Variants in SORCS2 observed in about 807,000 individuals in gnomAD.
The protein encoded by SORCS2 is VPS10 domain-containing receptor SorCS2.
Under a neutral mutation model 141.6 loss-of-function variants are expected in SORCS2, and 100 were observed. The ratio of observed to expected loss-of-function variants is 0.71; its 90% CI spans 0.60 to 0.83. The LOEUF (loss-of-function observed/expected upper bound fraction) is 0.83, where lower values mean the gene tolerates loss of function less well. Ranked by LOEUF, SORCS2 falls within the 40% of genes least tolerant of loss-of-function variation. The pLI, the probability that SORCS2 is intolerant of heterozygous loss-of-function variation, is 0.00. For missense variants in SORCS2, 1,646 were observed against 1,560.2 expected (o/e 1.05, Z -0.93); for synonymous variants, 789 against 676.9 (o/e 1.17, Z -2.57).
rs1008428494 is a variant in SORCS2, at chr4:7,349,141, G to A, written c.481-47147G>A. ...GTATGTTAGCATACTTCATCATTGC[G>A]CAAGGTTTGGAGTGGGCGCTGTGTC... On this transcript the variant is annotated intron_variant, in intron 1 of 26. Transcript: ENST00000507866. Among the ~76,000 whole-genome samples the A allele has an allele frequency of 2.6e-5, 4 of 152,218 alleles. No individual in the cohort carries two copies. In the East Asian group the frequency reaches 5.8e-4, roughly 22 times the overall value.
chr4:7,390,317 A>G (rs1413969863), intron 1 of SORCS2, among the ~76,000 whole-genome samples: 3 of 152,196 alleles, frequency 2.0e-5, no homozygotes, highest in East Asian at 1.9e-4. Context: ...AAAGGCAGCC[A>G]TGTGTCAGGC....
intron 1 of SORCS2, among the ~76,000 whole-genome samples, chr4:7,332,694 G>A (rs1310756760): frequency 6.6e-6 from 1 of 152,212 alleles, no homozygotes; most frequent in African/African-American, 2.4e-5. Context: ...CCTGTGCAGG[G>A]CTGGAGCCTC....
chr4:7,445,532 G>C (rs1257108283), intron 2 of SORCS2, among the ~76,000 whole-genome samples: 1 of 152,156 alleles, frequency 6.6e-6, no homozygotes, highest in Non-Finnish European at 1.5e-5. Context: ...TGTGGATGGA[G>C]CGGGGCCGAG....
chr4:7,495,990 G>T (rs111540684), intron 2 of SORCS2, among the ~76,000 whole-genome samples: 1 of 152,206 alleles, frequency 6.6e-6, no homozygotes, highest in Admixed American at 6.5e-5. Flanking sequence ...AATGTGGGCC[G>T]AGGGTGGAAG....
At position 7,741,907 on chromosome 4, in the gene SORCS2, C is replaced by A. The variant is rs933576708; in HGVS notation, c.*1643C>A. ...AACAGTGCCCGGTGGGGAGGAGGCA[C>A]CCGCTCCTTGTTGAGTAAAACCACC... On this transcript the variant is annotated 3_prime_UTR_variant, in exon 27 of 27. Coordinates refer to ENST00000507866, the MANE Select transcript of SORCS2 (RefSeq NM_020777.3). The A allele has an allele frequency of 3.9e-5, 6 of 152,280 alleles. No individual in the cohort carries two copies. Among genetic ancestry groups the A allele is most frequent in the African/African-American group, 1.4e-4 (6 of 41,452 alleles). The allele number at this position is 152,280 out of a possible 1,614,324, so 9.4% of individuals were successfully genotyped here.
chr4:7,337,022 A>G (rs984697774), intron 1 of SORCS2, among the ~76,000 whole-genome samples: 1 of 152,164 alleles, frequency 6.6e-6, no homozygotes, highest in African/African-American at 2.4e-5. Flanking sequence ...GCTGGGAATC[A>G]CACACAATCG....
At chr4:7,482,038 C>A (rs1219265367) in intron 2 of SORCS2, among the ~76,000 whole-genome samples, 1 of 76,970 alleles carries the variant, frequency 1.3e-5, no homozygotes, top group Non-Finnish European at 2.6e-5. Context: ...ACTGCGGACA[C>A]CCCTGACGCC....
chr4:7,205,764 C>T (rs947330030), intron 1 of SORCS2, among the ~76,000 whole-genome samples: 9 of 152,210 alleles, frequency 5.9e-5, no homozygotes, highest in Admixed American at 5.2e-4. Flanking sequence ...GCCCTGAGGC[C>T]GGACGCGGTG....
chr4:7,674,555 C>T (rs1722986958), intron 8 of SORCS2, among the ~76,000 whole-genome samples: 1 of 127,196 alleles, frequency 7.9e-6, no homozygotes. Context: ...GCCTGGGCGA[C>T]AGAGCGAGAC....
chr4:7,543,396 CATCCATCCACCCATCCATCT>C lies in SORCS2; in HGVS notation c.648+11777_648+11796del, dbSNP rs1251281070. Among the ~76,000 whole-genome samples, 104 of 125,726 alleles carry C rather than the reference CATCCATCCACCCATCCATCT, an allele frequency of 8.3e-4. 1 individual carries two copies. The East Asian group carries it at 0.026, about 31-fold the overall frequency. 82.5% of individuals were successfully genotyped at this position (125,726 alleles called of 152,430 possible). A position where few individuals can be genotyped will look rare whatever the true frequency, so the allele number is the denominator to read the frequency against. Reference sequence around the variant, plus strand: ...TGATTCATACATCCACCCACCCATCCATCCATCCACCCATCCATCTATCCATCCATCCGTCCATCCATCCA... The same window carrying C: ...TGATTCATACATCCACCCACCCATCCATCCATCCATCCGTCCATCCATCCA... On this transcript the variant is annotated intron_variant, in intron 3 of 26. Transcript: ENST00000507866.
intron 3 of SORCS2, among the ~76,000 whole-genome samples, chr4:7,541,306 G>A (rs1391929752): frequency 2.0e-5 from 3 of 152,202 alleles, no homozygotes; most frequent in African/African-American, 4.8e-5. Context: ...TGCCTCGTGG[G>A]ACCCCAGGAC....
chr4:7,655,444 A>G (rs1452368663), intron 5 of SORCS2, among the ~76,000 whole-genome samples: 2 of 152,228 alleles, frequency 1.3e-5, no homozygotes, highest in Admixed American at 6.5e-5. Context: ...ATTAAAAACA[A>G]TATTATTAAG....
intron 1 of SORCS2, among the ~76,000 whole-genome samples, chr4:7,388,130 A>G (rs1311664393): frequency 6.6e-6 from 1 of 150,760 alleles, no homozygotes; most frequent in African/African-American, 2.5e-5. Context: ...ACATGTGCAC[A>G]CAGATGCACA....
chr4:7,230,124 G>C (rs71612270), intron 1 of SORCS2, among the ~76,000 whole-genome samples: 5 of 142,944 alleles, frequency 3.5e-5, no homozygotes, highest in Admixed American at 6.9e-5. Flanking sequence ...GTCTTCCAGT[G>C]TCTGGGCAGG....
At chr4:7,434,995 C>A in intron 2 of SORCS2, 1 of 1,296,806 alleles carries the variant, frequency 7.7e-7, no homozygotes, top group Non-Finnish European at 1.0e-6. Context: ...CCTGGCCACT[C>A]CCACAGCCTG....
At chr4:7,706,540 GATGAGGCTGGGCTCTGCCTGGACAGAC>G (rs1272437297) in intron 14 of SORCS2, among the ~76,000 whole-genome samples, 395 of 142,310 alleles carry the variant, frequency 2.8e-3, no homozygotes, top group East Asian at 4.1e-3. Flanking sequence ...TCTGGGCAGG[GATGAGGCTGGGCTCTGCCTGGACAGAC>G]ATGAGGCTGG....
At chr4:7,412,007 T>A (rs997601514) in intron 2 of SORCS2, among the ~76,000 whole-genome samples, 6 of 152,162 alleles carry the variant, frequency 3.9e-5, no homozygotes, top group African/African-American at 1.4e-4. Flanking sequence ...GCTGCCAAGG[T>A]CTATCAAGTC....
At chr4:7,246,322 C>T (rs915194265) in intron 1 of SORCS2, among the ~76,000 whole-genome samples, 2 of 152,226 alleles carry the variant, frequency 1.3e-5, no homozygotes, top group African/African-American at 4.8e-5. Context: ...CATCCGGATC[C>T]CTCCAGGGTG....
intron 1 of SORCS2, among the ~76,000 whole-genome samples, chr4:7,222,806 G>A (rs1728789625): frequency 6.6e-6 from 1 of 152,116 alleles, no homozygotes; most frequent in South Asian, 2.1e-4. Context: ...GGGCACGGCA[G>A]CTGTGGTCTC....
Sources: allele counts gnomAD v4.1 joint callset (sites outside exome capture counted in the v4.1 genomes callset), GRCh38; gene constraint gnomAD v4.1.1; transcripts MANE v1.5; gene names NCBI Gene and HGNC (gene_info 2026-07-23, HGNC 2026-07-21).